The following SMAD1 variants were observed in gnomAD, a reference collection of about 807,000 sequenced individuals.
The protein encoded by SMAD1 is SMAD family member 1, also known as MAD, mothers against decapentaplegic homolog 1.
A neutral mutation model predicts 41.6 loss-of-function variants in SMAD1; 6 were observed. That is an observed-to-expected ratio of 0.14 (90% CI 0.08 to 0.28). The LOEUF is 0.28. Among genes scored for constraint, SMAD1 ranks in the 10% least tolerant of loss-of-function variants. The probability of loss-of-function intolerance (pLI) is 1.00; values close to 1 mark genes in which losing one functional copy is unlikely to be tolerated. For synonymous variants in SMAD1, 206 were observed against 203.2 expected (o/e 1.01, Z -0.12); for missense variants, 379 against 582.6 (o/e 0.65, Z 3.60).
At chr4:145,557,628 G>A (rs976740891) in intron 6 of SMAD1, among the ~76,000 whole-genome samples, 163 bp from the exon 7 acceptor site, 4 of 152,142 alleles carry the variant, frequency 2.6e-5, no homozygotes, top group Admixed American at 2.0e-4. Flanking sequence ...GAAATTATGC[G>A]TGCGTTTGTG....
At chr4:145,527,351 G>A (rs887254174) in intron 2 of SMAD1, among the ~76,000 whole-genome samples, 32 of 151,218 alleles carry the variant, frequency 2.1e-4, no homozygotes, top group Non-Finnish European at 3.5e-4. Context: ...AGCCTCCCAA[G>A]TAGCTGGGAC....
intron 1 of SMAD1, among the ~76,000 whole-genome samples, chr4:145,504,571 A>AT (rs1729658213): frequency 6.6e-6 from 1 of 151,962 alleles, no homozygotes; most frequent in South Asian, 2.1e-4. Context: ...ACCTGTCTTC[A>AT]TTTTTAGGGG....
intron 2 of SMAD1, among the ~76,000 whole-genome samples, chr4:145,524,438 A>G (rs1730921311): frequency 6.6e-6 from 1 of 152,190 alleles, no homozygotes; most frequent in East Asian, 1.9e-4. Context: ...TTTTACATAA[A>G]CTGTAAAAGT....
chr4:145,514,595 T>C lies in SMAD1; in HGVS notation c.-19T>C. The stretch of plus-strand genomic sequence containing the variant: ...GCTTTATTTCACCATATCCAAGGAG[T>C]ATAACTAGTGCTGTCATTATGAATG... On this transcript the variant is annotated 5_prime_UTR_variant, in exon 2 of 7. Transcript: ENST00000302085. The surrounding 1 kb of genome is among the most constrained non-coding windows in gnomAD (Gnocchi z 4.7). 1 of 1,572,686 alleles carries C rather than the reference T, an allele frequency of 6.4e-7. No homozygotes were observed. The highest frequency in any genetic ancestry group is 8.6e-7 in the Non-Finnish European group (1 of 1,162,076).
At chr4:145,531,752 G>A (rs1001751780) in intron 2 of SMAD1, among the ~76,000 whole-genome samples, 21 of 152,012 alleles carry the variant, frequency 1.4e-4, no homozygotes, top group African/African-American at 4.8e-4. Context: ...TAACCTAAAT[G>A]CCTTTACCAC....
chr4:145,506,004 C>T (rs772565867), intron 1 of SMAD1, among the ~76,000 whole-genome samples: 41 of 151,792 alleles, frequency 2.7e-4, no homozygotes, highest in Non-Finnish European at 4.7e-4. Context: ...CCACTATGCC[C>T]GGCTTATTTT....
rs893188703 is a variant in SMAD1, at chr4:145,557,773, C to G, written c.1255-18C>G. ...CTGAGTTAAACAAGTTAAATGACCT[C>G]CAGTATGTTTTTCCTAGGGCTGGGG... On this transcript the variant is annotated intron_variant, in intron 6 of 6. Coordinates refer to ENST00000302085, the MANE Select transcript of SMAD1 (RefSeq NM_005900.3). 1.3e-6 allele frequency: 2 copies of G among 1,593,398 alleles called. No homozygotes were observed. Among genetic ancestry groups the G allele is most frequent in the Admixed American group, 3.4e-5 (2 of 58,132 alleles).
At chr4:145,508,014 C>T (rs1022121186) in intron 1 of SMAD1, among the ~76,000 whole-genome samples, 4 of 145,872 alleles carry the variant, frequency 2.7e-5, no homozygotes, top group Non-Finnish European at 5.9e-5. Context: ...CTTTAATTTT[C>T]GTGAGTGGCC....
At chr4:145,538,246 T>C (rs1296166449) in intron 2 of SMAD1, among the ~76,000 whole-genome samples, 2 of 152,232 alleles carry the variant, frequency 1.3e-5, no homozygotes, top group African/African-American at 4.8e-5. Context: ...GGATCCCTTA[T>C]CAGGAATGTT....
chr4:145,504,594 G>A (rs1729660989), intron 1 of SMAD1, among the ~76,000 whole-genome samples: 1 of 152,124 alleles, frequency 6.6e-6, no homozygotes, highest in African/African-American at 2.4e-5. Flanking sequence ...CTGTTTTTTA[G>A]GGGTACTATT....
rs1003474413 is a variant in SMAD1 at position 145,558,696 on chromosome 4, CTG to C, written c.*766_*767del. Among the ~76,000 whole-genome samples, 3 of 150,886 alleles carry C rather than the reference CTG, an allele frequency of 2.0e-5. No homozygotes were observed. The highest frequency in any genetic ancestry group is 2.9e-5 in the Non-Finnish European group (2 of 67,816). On this transcript the variant is annotated 3_prime_UTR_variant, in exon 7 of 7. Transcript: ENST00000302085. ...GAAACAAACTGATACCTGAATTTTG[CTG>C]TGTTTCCATTTTTTAGAGATTTTTA...
intron 5 of SMAD1, among the ~76,000 whole-genome samples, chr4:145,551,203 T>C (rs1215937539): frequency 6.6e-6 from 1 of 152,204 alleles, no homozygotes; most frequent in African/African-American, 2.4e-5. Flanking sequence ...TATACTGTTA[T>C]AAAAATATAA....
upstream of SMAD1, among the ~76,000 whole-genome samples, chr4:145,480,917 ATTT>A (rs5862738): frequency 1.2e-3 from 151 of 128,656 alleles, no homozygotes; most frequent in African/African-American, 2.3e-3. Flanking sequence ...GCTGGGAGTG[ATTT>A]TTTTTTTTTT....
chr4:145,526,457 T>C (rs1731022645), intron 2 of SMAD1, among the ~76,000 whole-genome samples: 1 of 152,226 alleles, frequency 6.6e-6, no homozygotes, highest in African/African-American at 2.4e-5. Context: ...GGGAGAAAAG[T>C]TGTGGATAAA....
At chr4:145,481,570 C>A (rs1728169281), upstream of SMAD1, 2 of 152,256 alleles carry the variant, frequency 1.3e-5, no homozygotes, top group Admixed American at 1.3e-4. Context: ...AGCCTGAACG[C>A]CGCCACACTG....
In SMAD1 at chr4:145,504,238, T is replaced by C. The variant is rs1729639105; in HGVS notation, c.-176-10200T>C. On this transcript the variant is annotated intron_variant, in intron 1 of 6. Coordinates refer to ENST00000302085, the MANE Select transcript of SMAD1 (RefSeq NM_005900.3). Reference sequence around the variant, plus strand: ...TACTGTATCTGAAAACCTGGTTAGCTCCTAACTGGAGTAACTGGGTTAAAG... The same window carrying C: ...TACTGTATCTGAAAACCTGGTTAGCCCCTAACTGGAGTAACTGGGTTAAAG... Among the ~76,000 whole-genome samples the C allele has an allele frequency of 3.9e-5, 6 of 152,320 alleles. No homozygotes were observed. In the South Asian group the frequency reaches 1.2e-3, roughly 32 times the overall value.
chr4:145,527,792 T>A (rs1738239595), intron 2 of SMAD1, among the ~76,000 whole-genome samples: 1 of 151,986 alleles, frequency 6.6e-6, no homozygotes, highest in South Asian at 2.1e-4. Flanking sequence ...CTGCATGAGT[T>A]TTGGATTGCG....
chr4:145,502,451 A>G (rs1258969118), intron 1 of SMAD1, among the ~76,000 whole-genome samples: 6 of 152,248 alleles, frequency 3.9e-5, no homozygotes, highest in Non-Finnish European at 8.8e-5. Context: ...TGCCTTAACT[A>G]TTCAAGTAAT....
upstream of SMAD1, chr4:145,481,049 T>C (rs1025340398): frequency 6.6e-6 from 1 of 152,054 alleles, no homozygotes; most frequent in African/African-American, 2.4e-5. Context: ...AAGAGAAAAG[T>C]TGACTCTTGC....
Sources: gnomAD v4.1 joint callset for allele counts (sites outside exome capture counted in the v4.1 genomes callset) on GRCh38, gnomAD v4.1.1 for gene constraint, Gnocchi (gnomAD v3.1) non-coding constraint, MANE v1.5 for transcripts, NCBI Gene and HGNC (gene_info 2026-07-23, HGNC 2026-07-21) for gene names.